SUGCT: variants seen among roughly 807,000 people sequenced by gnomAD.
The protein encoded by SUGCT is succinyl-CoA:glutarate-CoA transferase.
Under a neutral mutation model 55.0 loss-of-function variants are expected in SUGCT, and 41 were observed. The observed-to-expected ratio is 0.74, with a 90% CI of 0.58 to 0.97. The LOEUF (loss-of-function observed/expected upper bound fraction) is 0.97. SUGCT is among the 50% of genes least tolerant of loss of function. SUGCT has a pLI of 0.00. For missense variants in SUGCT, 568 were observed against 547.8 expected, an observed-to-expected ratio of 1.04 and a Z score of -0.37; for synonymous variants, 187 against 200.4, an observed-to-expected ratio of 0.93 and a Z score of 0.56.
intron 11 of SUGCT, among the ~76,000 whole-genome samples, chr7:40,478,798 G>A (rs772030351): frequency 4.1e-4 from 62 of 152,096 alleles, no homozygotes; most frequent in Admixed American, 1.0e-3. Context: ...CAGAAACTTT[G>A]TACCCCTTGA....
rs552765057 is a variant in SUGCT at position 40,189,743 on chromosome 7, C to T, written c.363+149C>T. The T allele has an allele frequency of 1.2e-5, 4 of 320,898 alleles. No homozygotes were observed. In the East Asian group the frequency reaches 2.3e-4, roughly 18 times the overall value. 19.9% of individuals were successfully genotyped at this position (320,898 alleles called of 1,614,324 possible). ...TTAAGTATTTACTTTGATTTGTATA[C>T]TTCTTTGTAAGTGTGATGTGCTTTA... On this transcript the variant is annotated intron_variant, in intron 5 of 13. Transcript: ENST00000335693.
At chr7:40,635,102 A>G (rs1440094777) in intron 12 of SUGCT, among the ~76,000 whole-genome samples, 1 of 152,134 alleles carries the variant, frequency 6.6e-6, no homozygotes. Flanking sequence ...CCTGGCCAAC[A>G]TGGTAAAACC....
intron 11 of SUGCT, among the ~76,000 whole-genome samples, chr7:40,476,699 ATTG>A (rs1174995518): frequency 2.0e-5 from 3 of 151,694 alleles, no homozygotes; most frequent in East Asian, 1.9e-4. Context: ...TAAAATTTTT[ATTG>A]TTATTAGAAT....
At chr7:40,975,949 T>A in the SUGCT span, among the ~76,000 whole-genome samples, 37 of 152,326 alleles carry the variant, frequency 2.4e-4, no homozygotes, top group South Asian at 1.0e-3. Context: ...TAGCCCTGCC[T>A]TAACTAAGCT....
intron 1 of SUGCT, chr7:40,153,583 C>T: frequency 2.0e-6 from 1 of 502,744 alleles, no homozygotes. Context: ...ACTCTTACCC[C>T]TGGGATACTC....
chr7:40,336,859 C>G (rs965967143), intron 9 of SUGCT, among the ~76,000 whole-genome samples: 1 of 148,744 alleles, frequency 6.7e-6, no homozygotes, highest in Non-Finnish European at 1.5e-5. Context: ...AATTTTAGAT[C>G]TTTCCTGCTT....
chr7:40,961,093 A>G, the SUGCT span, among the ~76,000 whole-genome samples: 1 of 152,242 alleles, frequency 6.6e-6, no homozygotes. Flanking sequence ...GTTTACTGTA[A>G]CTCATGTGAC....
At chr7:40,739,176 T>G (rs1016984995) in intron 12 of SUGCT, among the ~76,000 whole-genome samples, 2 of 152,188 alleles carry the variant, frequency 1.3e-5, no homozygotes, top group African/African-American at 2.4e-5. Flanking sequence ...ATAGTCAAGA[T>G]AGAGAAGAGT....
chr7:40,971,108 C>G, the SUGCT span, among the ~76,000 whole-genome samples: 1 of 152,170 alleles, frequency 6.6e-6, no homozygotes, highest in African/African-American at 2.4e-5. Context: ...GCACCAGCAT[C>G]TGCTTGGCTG....
chr7:40,345,167 T>C (rs1452146824), intron 9 of SUGCT, among the ~76,000 whole-genome samples: 1 of 152,030 alleles, frequency 6.6e-6, no homozygotes, highest in Non-Finnish European at 1.5e-5. Flanking sequence ...GAAGGGAGAA[T>C]AGAAGTTTGA....
intron 6 of SUGCT, among the ~76,000 whole-genome samples, chr7:40,226,909 C>T (rs1322195406): frequency 2.6e-5 from 4 of 151,114 alleles, no homozygotes; most frequent in African/African-American, 9.7e-5. Flanking sequence ...ACTTTTGTCT[C>T]AAACAAACAA....
At chr7:40,349,655 T>C (rs538094326) in intron 9 of SUGCT, among the ~76,000 whole-genome samples, 2 of 151,192 alleles carry the variant, frequency 1.3e-5, no homozygotes, top group African/African-American at 4.9e-5. Context: ...CCATCACTCA[T>C]TCCTCTAAGA....
At chr7:40,817,522 T>C (rs10252053) in intron 13 of SUGCT, among the ~76,000 whole-genome samples, 46,880 of 152,026 alleles carry the variant, frequency 0.31, 7,751 homozygotes, top group East Asian at 0.44. Context: ...ATATCAACTA[T>C]TGATGGAAGG....
At chr7:40,953,678 C>A in the SUGCT span, among the ~76,000 whole-genome samples, 1 of 152,220 alleles carries the variant, frequency 6.6e-6, no homozygotes, top group Non-Finnish European at 1.5e-5. Flanking sequence ...ACAGTCAGGA[C>A]CCTCAGCTGC....
intron 12 of SUGCT, among the ~76,000 whole-genome samples, chr7:40,657,298 C>G (rs1194552032): frequency 6.6e-6 from 1 of 152,002 alleles, no homozygotes; most frequent in Admixed American, 6.5e-5. Context: ...TTGTTGTTGT[C>G]ATCCCAGAAG....
chr7:40,512,934 A>G (rs1165509155), intron 12 of SUGCT, among the ~76,000 whole-genome samples: 1 of 152,174 alleles, frequency 6.6e-6, no homozygotes, highest in African/African-American at 2.4e-5. Context: ...CTATGATGCC[A>G]GCTACTGGAA....
intron 13 of SUGCT, among the ~76,000 whole-genome samples, chr7:40,821,349 C>G (rs192564167): frequency 1.3e-3 from 200 of 152,260 alleles, no homozygotes; most frequent in Non-Finnish European, 2.4e-3. Flanking sequence ...GTACCAGCTC[C>G]TCCTCGTACC....
chr7:40,230,903 T>C (rs1788684799), intron 6 of SUGCT, among the ~76,000 whole-genome samples: 1 of 152,208 alleles, frequency 6.6e-6, no homozygotes, highest in South Asian at 2.1e-4. Context: ...CATGTCTCAG[T>C]TATAGTTGTA....
At chr7:40,710,985 G>C (rs1057452244) in intron 12 of SUGCT, among the ~76,000 whole-genome samples, 3 of 152,198 alleles carry the variant, frequency 2.0e-5, no homozygotes, top group African/African-American at 7.2e-5. Flanking sequence ...GGAGTACAGT[G>C]TCGTTGCCTG....
Sources: gnomAD v4.1 joint callset for allele counts (sites outside exome capture counted in the v4.1 genomes callset) on GRCh38, gnomAD v4.1.1 for gene constraint, MANE v1.5 for transcripts, NCBI Gene and HGNC (gene_info 2026-07-23, HGNC 2026-07-21) for gene names.